EYA1: variants seen among roughly 807,000 people sequenced by gnomAD.
EYA1 encodes the protein EYA transcriptional coactivator and phosphatase 1, also known as protein phosphatase EYA1.
Under a neutral mutation model 82.0 loss-of-function variants are expected in EYA1, and 16 were observed. That is an observed-to-expected ratio of 0.20 (90% CI 0.13 to 0.30). The LOEUF (loss-of-function observed/expected upper bound fraction) is 0.30. EYA1 is among the 10% of genes least tolerant of loss of function. The pLI is 1.00. For missense variants in EYA1, 633 were observed against 730.7 expected (o/e 0.87, Z 1.54); for synonymous variants, 261 against 264.4 (o/e 0.99, Z 0.12).
chr8:71,461,294 C>A (rs1808344289), intron 2 of EYA1, among the ~76,000 whole-genome samples: 1 of 152,098 alleles, frequency 6.6e-6, no homozygotes, highest in Admixed American at 6.5e-5. Context: ...CATGGAGCGG[C>A]AAGGGGTGTG....
chr8:71,349,088 T>C (rs937145571), intron 3 of EYA1, among the ~76,000 whole-genome samples: 2 of 152,192 alleles, frequency 1.3e-5, no homozygotes, highest in African/African-American at 2.4e-5. Context: ...AGACAGCTGA[T>C]GAAATTATAA....
At chr8:71,373,962 T>C (rs1466885655) in intron 2 of EYA1, among the ~76,000 whole-genome samples, 1 of 152,114 alleles carries the variant, frequency 6.6e-6, no homozygotes, top group African/African-American at 2.4e-5. Context: ...TGAACTCTTA[T>C]CTTAGACCAG....
In EYA1 at chr8:71,259,393, C is replaced by T. The variant is rs145901132; in HGVS notation, c.1050+10347G>A. Among the ~76,000 whole-genome samples the T allele has an allele frequency of 1.4e-3, 214 of 152,340 alleles. 3 individuals are homozygous for T. In the South Asian group the frequency reaches 0.017, roughly 12 times the overall value. On this transcript the variant is annotated intron_variant, in intron 11 of 17. Transcript: ENST00000340726. ...CATTTACCAGTTCAGTGAGTTCCCA[C>T]TCCTGGAGCTCTCTACTGGCCCCAT...
chr8:71,467,553 A>G (rs1381201906), intron 2 of EYA1, among the ~76,000 whole-genome samples: 1 of 152,142 alleles, frequency 6.6e-6, no homozygotes. Flanking sequence ...ATGATTTTTC[A>G]TGTCTCTAGG....
chr8:71,390,577 A>G (rs1829221628), intron 2 of EYA1, among the ~76,000 whole-genome samples: 1 of 152,162 alleles, frequency 6.6e-6, no homozygotes, highest in East Asian at 1.9e-4. Context: ...CTAGCTTTTG[A>G]TATTTATGTG....
rs566797709 is a variant in EYA1, at chr8:71,288,649, C to T, written c.826+10398G>A. On this transcript the variant is annotated intron_variant, in intron 9 of 17. Coordinates refer to ENST00000340726, the MANE Select transcript of EYA1 (RefSeq NM_000503.6). Reference sequence around the variant, plus strand: ...GAGTAGTCTATTTACAAATATGCTACGTTCTAAATATGTTTAAATCAATTG... The same window carrying T: ...GAGTAGTCTATTTACAAATATGCTATGTTCTAAATATGTTTAAATCAATTG... Among the ~76,000 whole-genome samples the T allele has an allele frequency of 6.6e-5, 10 of 152,302 alleles. No homozygotes were observed. In the South Asian group the frequency reaches 1.5e-3, roughly 22 times the overall value.
intron 7 of EYA1, among the ~76,000 whole-genome samples, 200 bp downstream of exon 7, chr8:71,317,352 A>G (rs1822037909): frequency 6.6e-6 from 1 of 152,218 alleles, no homozygotes. Flanking sequence ...CATCCAGTCT[A>G]ACCCCCTGAT....
intron 3 of EYA1, among the ~76,000 whole-genome samples, chr8:71,339,942 T>C (rs528004166): frequency 1.3e-5 from 2 of 152,262 alleles, no homozygotes; most frequent in East Asian, 3.9e-4. Context: ...TCTCTCACAA[T>C]CATTTCTGTC....
At chr8:71,452,117 A>T (rs1807432789) in intron 2 of EYA1, among the ~76,000 whole-genome samples, 1 of 152,200 alleles carries the variant, frequency 6.6e-6, no homozygotes, top group Non-Finnish European at 1.5e-5. Context: ...ACACCAGGAG[A>T]TTATATCCCA....
At chr8:71,223,960 T>C (rs1353581722) in intron 12 of EYA1, among the ~76,000 whole-genome samples, 1 of 152,186 alleles carries the variant, frequency 6.6e-6, no homozygotes, top group African/African-American at 2.4e-5. Context: ...TTCAAGGTAG[T>C]TTTGGAAAAT....
At chr8:71,412,286 G>A (rs1720957134) in intron 2 of EYA1, among the ~76,000 whole-genome samples, 2 of 145,724 alleles carry the variant, frequency 1.4e-5, no homozygotes, top group Non-Finnish European at 3.0e-5. Flanking sequence ...GCTAGATGAC[G>A]AGTTAGTGGG....
intron 3 of EYA1, among the ~76,000 whole-genome samples, chr8:71,344,964 T>C (rs1165654876): frequency 1.3e-5 from 2 of 152,184 alleles, no homozygotes; most frequent in Admixed American, 1.3e-4. Flanking sequence ...ACATTGAGTA[T>C]TAATGGAAAT....
At chr8:71,356,435 A>C (rs748212036) in intron 2 of EYA1, 27 bp downstream of exon 2, 1 of 1,567,460 alleles carries the variant, frequency 6.4e-7, no homozygotes. Flanking sequence ...AATCTCCAAA[A>C]ATGTCAAATA....
At chr8:71,217,959 A>C (rs1299718197) in intron 12 of EYA1, among the ~76,000 whole-genome samples, 1 of 152,124 alleles carries the variant, frequency 6.6e-6, no homozygotes, top group Non-Finnish European at 1.5e-5. Context: ...GGCACTCAAT[A>C]AACATTTGTT....
chr8:71,252,430 C>T (rs1813862742), intron 11 of EYA1, among the ~76,000 whole-genome samples: 1 of 152,086 alleles, frequency 6.6e-6, no homozygotes, highest in Admixed American at 6.5e-5. Flanking sequence ...TACATTCAAA[C>T]TAGACTTTCG....
At chr8:71,513,609 C>T (rs1812754459) in intron 2 of EYA1, among the ~76,000 whole-genome samples, 1 of 152,046 alleles carries the variant, frequency 6.6e-6, no homozygotes, top group South Asian at 2.1e-4. Context: ...ATAAAGCATT[C>T]AGTTATCCTC....
At chr8:71,386,876 A>G (rs1828996011) in intron 2 of EYA1, among the ~76,000 whole-genome samples, 3 of 152,190 alleles carry the variant, frequency 2.0e-5, no homozygotes, top group South Asian at 4.1e-4. Context: ...ATAACTATAA[A>G]TGGAAATTTT....
At chr8:71,503,541 T>A (rs1296595565) in intron 2 of EYA1, among the ~76,000 whole-genome samples, 1 of 151,706 alleles carries the variant, frequency 6.6e-6, no homozygotes, top group Non-Finnish European at 1.5e-5. Flanking sequence ...AATAAAGATC[T>A]CTCCTTGAGG....
At chr8:71,415,811 T>C (rs890224653) in intron 2 of EYA1, among the ~76,000 whole-genome samples, 3 of 152,238 alleles carry the variant, frequency 2.0e-5, no homozygotes, top group Admixed American at 6.5e-5. Context: ...TGACATTTAT[T>C]AATTACAGCC....
Sources: gnomAD v4.1 joint callset for allele counts (sites outside exome capture counted in the v4.1 genomes callset) on GRCh38, gnomAD v4.1.1 for gene constraint, MANE v1.5 for transcripts, NCBI Gene and HGNC (gene_info 2026-07-23, HGNC 2026-07-21) for gene names.